LRRTM4: variants seen among roughly 807,000 people sequenced by gnomAD.
The protein encoded by LRRTM4 is leucine-rich repeat transmembrane neuronal protein 4.
LRRTM4 carries 25 observed loss-of-function variants against 47.6 expected under a neutral mutation model. The ratio of observed to expected loss-of-function variants is 0.53; its 90% confidence interval spans 0.38 to 0.73. The LOEUF (loss-of-function observed/expected upper bound fraction) is 0.73, where lower values mean the gene tolerates loss of function less well. Among genes scored for constraint, LRRTM4 ranks in the 30% least tolerant of loss-of-function variants. The pLI is 0.00. For synonymous variants in LRRTM4, 311 were observed against 269.5 expected, an observed-to-expected ratio of 1.15 and a Z score of -1.51; for missense variants, 638 against 713.4, an observed-to-expected ratio of 0.89 and a Z score of 1.20.
chr2:77,359,244 A>T (rs2104311030), intron 3 of LRRTM4, among the ~76,000 whole-genome samples: 1 of 152,140 alleles, frequency 6.6e-6, no homozygotes, highest in Non-Finnish European at 1.5e-5. Context: ...TAAGTAAGAG[A>T]AATTCATTTT....
At chr2:77,501,810 T>C (rs1678579204) in intron 3 of LRRTM4, among the ~76,000 whole-genome samples, 1 of 151,216 alleles carries the variant, frequency 6.6e-6, no homozygotes, top group South Asian at 2.1e-4. Context: ...AAAATGAACA[T>C]AAAATACAGA....
intron 3 of LRRTM4, among the ~76,000 whole-genome samples, chr2:76,763,350 C>G (rs1406137368): frequency 6.6e-6 from 1 of 152,180 alleles, no homozygotes; most frequent in Admixed American, 6.5e-5. Context: ...AATGAGGTCA[C>G]AAGGTGGGTT....
chr2:76,770,784 GACATA>G (rs1412762711), intron 3 of LRRTM4, among the ~76,000 whole-genome samples: 7 of 152,150 alleles, frequency 4.6e-5, no homozygotes, highest in Non-Finnish European at 8.8e-5. Context: ...TGAAACATCT[GACATA>G]ACATAAAATA....
At chr2:77,011,890 A>G (rs1677889306) in intron 3 of LRRTM4, among the ~76,000 whole-genome samples, 1 of 151,962 alleles carries the variant, frequency 6.6e-6, no homozygotes, top group African/African-American at 2.4e-5. Context: ...TTAACCATTC[A>G]CGTGGTTGAG....
intron 3 of LRRTM4, among the ~76,000 whole-genome samples, chr2:77,211,626 G>T (rs919667165): frequency 6.6e-6 from 1 of 152,072 alleles, no homozygotes; most frequent in African/African-American, 2.4e-5. Context: ...GTTGTTGTAA[G>T]CCTATCACTA....
chr2:77,093,704 C>T (rs1374010489), intron 3 of LRRTM4, among the ~76,000 whole-genome samples: 1 of 151,986 alleles, frequency 6.6e-6, no homozygotes, highest in Non-Finnish European at 1.5e-5. Context: ...CATCGCATCC[C>T]CTGTGACTTG....
At chr2:77,264,494 G>T (rs1182351746) in intron 3 of LRRTM4, among the ~76,000 whole-genome samples, 2 of 151,908 alleles carry the variant, frequency 1.3e-5, no homozygotes, top group African/African-American at 4.8e-5. Flanking sequence ...TGGGGGTTAG[G>T]GCTTCAACTT....
chr2:76,971,358 A>G (rs148854257), intron 3 of LRRTM4, among the ~76,000 whole-genome samples: 1 of 152,176 alleles, frequency 6.6e-6, no homozygotes, highest in East Asian at 1.9e-4. Flanking sequence ...TTTGACAACC[A>G]CAGATTTCCA....
chr2:77,223,402 A>G (rs1674702283), intron 3 of LRRTM4, among the ~76,000 whole-genome samples: 1 of 152,196 alleles, frequency 6.6e-6, no homozygotes, highest in African/African-American at 2.4e-5. Flanking sequence ...TCAATTAGGA[A>G]AAGAGGAAGT....
chr2:77,342,176 C>T (rs1447425802), intron 3 of LRRTM4, among the ~76,000 whole-genome samples: 1 of 151,940 alleles, frequency 6.6e-6, no homozygotes, highest in African/African-American at 2.4e-5. Context: ...ATAGAGCACT[C>T]TTTCCTGGAG....
intron 3 of LRRTM4, among the ~76,000 whole-genome samples, chr2:77,354,051 G>A (rs36086335): frequency 0.17 from 26,108 of 152,172 alleles, 2,781 homozygotes; most frequent in Non-Finnish European, 0.25. Context: ...TGCAAATTAA[G>A]GGGTAGGTTA....
chr2:77,027,232 C>T (rs942811262), intron 3 of LRRTM4, among the ~76,000 whole-genome samples: 1 of 151,904 alleles, frequency 6.6e-6, no homozygotes, highest in Non-Finnish European at 1.5e-5. Flanking sequence ...AGAGGAAATG[C>T]TATGTAAGAG....
chr2:77,177,653 T>G (rs538397453), intron 3 of LRRTM4, among the ~76,000 whole-genome samples: 4 of 152,330 alleles, frequency 2.6e-5, no homozygotes, highest in African/African-American at 9.6e-5. Flanking sequence ...TCTTATGATC[T>G]CCACTGACTA....
At chr2:77,495,859 T>A (rs935097162) in intron 3 of LRRTM4, among the ~76,000 whole-genome samples, 1 of 151,982 alleles carries the variant, frequency 6.6e-6, no homozygotes. Context: ...TTATTATAGG[T>A]CTTTTGCATT....
chr2:77,434,431 A>G (rs1675510530), intron 3 of LRRTM4, among the ~76,000 whole-genome samples: 2 of 145,946 alleles, frequency 1.4e-5, no homozygotes, highest in South Asian at 4.4e-4. Context: ...GGAGAAAATA[A>G]TAACACTTGA....
At chr2:77,445,475 T>G (rs1168213273) in intron 3 of LRRTM4, among the ~76,000 whole-genome samples, 1 of 152,006 alleles carries the variant, frequency 6.6e-6, no homozygotes, top group Non-Finnish European at 1.5e-5. Flanking sequence ...GCCTATCTTT[T>G]CTTATGATTT....
intron 3 of LRRTM4, among the ~76,000 whole-genome samples, chr2:76,798,324 A>G (rs1675467300): frequency 6.6e-6 from 1 of 152,128 alleles, no homozygotes; most frequent in Non-Finnish European, 1.5e-5. Context: ...CTACATGGAA[A>G]CTGAACAACC....
rs1428238983 is a variant in LRRTM4 at position 77,122,185 on chromosome 2, C to A, written c.1552-373269G>T. Among the ~76,000 whole-genome samples, 10 of 151,660 alleles carry A rather than the reference C, an allele frequency of 6.6e-5. No homozygotes were observed. In the East Asian group the frequency reaches 1.9e-3, roughly 29 times the overall value. On this transcript the variant is annotated intron_variant, in intron 3 of 3. Transcript: ENST00000409884. ...TAAATGGCAACCACACAAACATTTC[C>A]TGAGTAAAATTATTAAATTGAGTTC... is the stretch of plus-strand genomic sequence containing the variant.
chr2:77,444,655 TA>T (rs1256652895), intron 3 of LRRTM4, among the ~76,000 whole-genome samples: 1 of 151,998 alleles, frequency 6.6e-6, no homozygotes, highest in Non-Finnish European at 1.5e-5. Context: ...TTTAAAAATA[TA>T]AAAATCTTTT....
Sources: allele counts gnomAD v4.1 joint callset (sites outside exome capture counted in the v4.1 genomes callset), GRCh38; gene constraint gnomAD v4.1.1; transcripts MANE v1.5; gene names NCBI Gene and HGNC (gene_info 2026-07-23, HGNC 2026-07-21).